The following SORCS2 variants were observed in gnomAD, a reference collection of about 807,000 sequenced individuals.
SORCS2 encodes the protein sortilin related VPS10 domain containing receptor 2.
A neutral mutation model predicts 141.6 loss-of-function variants in SORCS2; 100 were observed. The ratio of observed to expected loss-of-function variants is 0.71; its 90% CI spans 0.60 to 0.83. The LOEUF (loss-of-function observed/expected upper bound fraction) is 0.83. Among genes scored for constraint, SORCS2 ranks in the 40% least tolerant of loss-of-function variants. SORCS2 has a pLI of 0.00. For synonymous variants in SORCS2, 789 were observed against 676.9 expected (o/e 1.17, Z -2.57); for missense variants, 1,646 against 1,560.2 (o/e 1.05, Z -0.93).
chr4:7,612,401 C>T (rs1372533692), intron 3 of SORCS2, among the ~76,000 whole-genome samples: 1 of 152,208 alleles, frequency 6.6e-6, no homozygotes, highest in Admixed American at 6.5e-5. Context: ...CGGCTGCCTG[C>T]TCCCTCGGTC....
chr4:7,698,707 C>G (rs566154122), intron 12 of SORCS2, among the ~76,000 whole-genome samples: 1 of 152,208 alleles, frequency 6.6e-6, no homozygotes, highest in African/African-American at 2.4e-5. Flanking sequence ...AGTGCTGAGC[C>G]GAGGCCTGGC....
intron 2 of SORCS2, among the ~76,000 whole-genome samples, chr4:7,462,902 A>G (rs1037523541): frequency 2.0e-5 from 3 of 150,948 alleles, no homozygotes; most frequent in African/African-American, 7.3e-5. Context: ...ACAAATAAAG[A>G]AATGAGCCAC....
intron 2 of SORCS2, among the ~76,000 whole-genome samples, chr4:7,487,503 G>A (rs1293857807): frequency 2.0e-5 from 3 of 152,172 alleles, no homozygotes; most frequent in Non-Finnish European, 4.4e-5. Flanking sequence ...AATGTAAATT[G>A]TAAGGAAAAA....
intron 1 of SORCS2, among the ~76,000 whole-genome samples, chr4:7,389,395 C>T (rs74486928): frequency 2.0e-5 from 3 of 151,904 alleles, no homozygotes; most frequent in Non-Finnish European, 2.9e-5. Context: ...AGACTCAGGC[C>T]GGCCACTGCC....
chr4:7,406,362 C>T (rs199765544), intron 2 of SORCS2, among the ~76,000 whole-genome samples: 1 of 90,750 alleles, frequency 1.1e-5, no homozygotes, highest in Admixed American at 1.5e-4. Flanking sequence ...ACCATTGGAT[C>T]CTAGGCTTTT....
chr4:7,323,693 C>T (rs546753638), intron 1 of SORCS2, among the ~76,000 whole-genome samples: 2 of 152,228 alleles, frequency 1.3e-5, no homozygotes, highest in East Asian at 3.9e-4. Flanking sequence ...GAGTCAGCCC[C>T]ATCTTTCCCT....
At chr4:7,637,606 G>A (rs561442215) in intron 3 of SORCS2, among the ~76,000 whole-genome samples, 1 of 152,354 alleles carries the variant, frequency 6.6e-6, no homozygotes, top group East Asian at 1.9e-4. Context: ...GAATGGCTAT[G>A]ATTAGCACTG....
chr4:7,352,060 C>T (rs1257114448), intron 1 of SORCS2, among the ~76,000 whole-genome samples: 3 of 152,098 alleles, frequency 2.0e-5, no homozygotes, highest in African/African-American at 7.2e-5. Flanking sequence ...CCAATACTTG[C>T]TCTGTATATG....
chr4:7,555,698 G>A (rs984767093), intron 3 of SORCS2, among the ~76,000 whole-genome samples: 1 of 152,240 alleles, frequency 6.6e-6, no homozygotes, highest in Non-Finnish European at 1.5e-5. Flanking sequence ...CAAAGTGTCA[G>A]GAAAAGGCAC....
intron 1 of SORCS2, among the ~76,000 whole-genome samples, chr4:7,255,164 C>G (rs1713769410): frequency 6.6e-6 from 1 of 152,024 alleles, no homozygotes; most frequent in African/African-American, 2.4e-5. Context: ...ACTGAGCGGT[C>G]AGGTCAGGTT....
chr4:7,498,393 A>G (rs757709207), intron 2 of SORCS2, among the ~76,000 whole-genome samples: 2 of 152,242 alleles, frequency 1.3e-5, no homozygotes, highest in African/African-American at 2.4e-5. Flanking sequence ...CTTAAATTAC[A>G]TAGAGAACAG....
chr4:7,722,178 A>G (rs947037896), intron 18 of SORCS2, among the ~76,000 whole-genome samples: 1 of 152,168 alleles, frequency 6.6e-6, no homozygotes, highest in Non-Finnish European at 1.5e-5. Flanking sequence ...GGTTGAGCGG[A>G]TCACGAGTCC....
At chr4:7,689,917 A>G (rs1241763779) in intron 11 of SORCS2, among the ~76,000 whole-genome samples, 1 of 139,982 alleles carries the variant, frequency 7.1e-6, no homozygotes, top group Non-Finnish European at 1.6e-5. Context: ...TGGATGATGG[A>G]CAGATGGTGA....
chr4:7,257,466 C>T (rs777648606), intron 1 of SORCS2, among the ~76,000 whole-genome samples: 11 of 152,106 alleles, frequency 7.2e-5, no homozygotes, highest in East Asian at 1.9e-4. Flanking sequence ...CTCTCCGCAT[C>T]GCGATGGTCA....
intron 3 of SORCS2, among the ~76,000 whole-genome samples, chr4:7,628,260 T>C (rs2005711): frequency 1 from 152,229 of 152,252 alleles, 76,103 homozygotes; most frequent in Middle Eastern, 1. Flanking sequence ...CGGTGGCTCA[T>C]GCCTGTAATC....
At chr4:7,194,186 C>T (rs556566929) in intron 1 of SORCS2, among the ~76,000 whole-genome samples, 2 of 152,224 alleles carry the variant, frequency 1.3e-5, no homozygotes, top group East Asian at 1.9e-4. Flanking sequence ...AGCCTCCCCT[C>T]ATTTCTGTGC....
chr4:7,737,080 G>A lies in SORCS2; in HGVS notation c.3323G>A (p.Gly1108Asp), dbSNP rs1179074048. Residue 1108 changes from glycine (G) to aspartate (D), a missense_variant, in exon 26 of 27, where the codon GGC becomes GAC. Transcript: ENST00000507866. ...CCTCTGTCCAGCAGGAAACGGCCAGGCAGGACCGTGTACGCCCAAATGCAC... is the reference window on the plus strand; with the variant it reads ...CCTCTGTCCAGCAGGAAACGGCCAGACAGGACCGTGTACGCCCAAATGCAC... ...ILYKFKRKRP[G>D]RTVYAQMHNE... 5.8e-6 allele frequency: 9 copies of A among 1,551,152 alleles called. No individual in the cohort carries two copies. The highest frequency in any genetic ancestry group is 7.8e-6 in the Non-Finnish European group (9 of 1,146,932).
intron 4 of SORCS2, among the ~76,000 whole-genome samples, chr4:7,640,218 G>T (rs550898055): frequency 7.6e-6 from 1 of 132,160 alleles, no homozygotes; most frequent in Non-Finnish European, 1.7e-5. Flanking sequence ...ATGTATGGGT[G>T]TGTATGAGCG....
At chr4:7,631,753 G>C (rs954280331) in intron 3 of SORCS2, among the ~76,000 whole-genome samples, 1 of 152,186 alleles carries the variant, frequency 6.6e-6, no homozygotes, top group Non-Finnish European at 1.5e-5. Context: ...GGGCCAAGAG[G>C]GAAGAATGAA....
Sources: allele counts gnomAD v4.1 joint callset (sites outside exome capture counted in the v4.1 genomes callset), GRCh38; gene constraint gnomAD v4.1.1; transcripts MANE v1.5; gene names NCBI Gene and HGNC (gene_info 2026-07-23, HGNC 2026-07-21).